Variants in PCSK5 observed in about 807,000 individuals in gnomAD.
The protein encoded by PCSK5 is prohormone convertase 5.
PCSK5 carries 129 observed loss-of-function variants against 233.2 expected under a neutral mutation model. The ratio of observed to expected loss-of-function variants is 0.55; its 90% CI spans 0.48 to 0.64. The LOEUF is 0.64. PCSK5 is among the 30% of genes least tolerant of loss of function. PCSK5 has a pLI of 0.00. For synonymous variants in PCSK5, 825 were observed against 879.2 expected (o/e 0.94, Z 1.09); for missense variants, 2,076 against 2,430.1 (o/e 0.85, Z 3.06).
At chr9:76,064,309 G>A (rs111992822) in intron 5 of PCSK5, among the ~76,000 whole-genome samples, 2 of 99,620 alleles carry the variant, frequency 2.0e-5, no homozygotes, top group Admixed American at 8.4e-5. Context: ...AGGGGCGGCC[G>A]GGCAGAGGCG....
intron 2 of PCSK5, among the ~76,000 whole-genome samples, chr9:75,979,969 G>T (rs1272535782): frequency 6.6e-6 from 1 of 152,150 alleles, no homozygotes; most frequent in African/African-American, 2.4e-5. Flanking sequence ...AATATTTTTA[G>T]CATGAACAAA....
At position 76,278,843 on chromosome 9, in the gene PCSK5, G is replaced by A. The variant is rs909568397; in HGVS notation, c.3143-13390G>A. 2.0e-5 allele frequency among the ~76,000 whole-genome samples: 3 copies of A among 152,044 alleles called. No homozygotes were observed. The East Asian group carries it at 5.8e-4, about 29-fold the overall frequency. On this transcript the variant is annotated intron_variant, in intron 24 of 37. Transcript: ENST00000674117. ...AGAAACAAAATTTCAATGTCTATTA[G>A]CCCATCTTATATAAGTGAACAGGCA... is the stretch of plus-strand genomic sequence containing the variant.
Position 76,142,650 on chromosome 9 carries a change from G to T in PCSK5, c.1312+8438G>T, listed in dbSNP as rs149896490. Among the ~76,000 whole-genome samples the T allele has an allele frequency of 9.1e-3, 1,389 of 152,228 alleles. 19 individuals are homozygous for T. The highest frequency in any genetic ancestry group is 0.031 in the African/African-American group (1,299 of 41,534). On this transcript the variant is annotated intron_variant, in intron 10 of 37. Transcript: ENST00000674117. The stretch of plus-strand genomic sequence containing the variant: ...TAAAACATATTCAGTTAATAATTCT[G>T]TTCAGAGTTTTGTAAGATAAGAATC...
At chr9:76,192,799 A>G (rs1824470213) in intron 20 of PCSK5, among the ~76,000 whole-genome samples, 1 of 152,200 alleles carries the variant, frequency 6.6e-6, no homozygotes, top group African/African-American at 2.4e-5. Flanking sequence ...ATATTGTGTC[A>G]CAGTTTAATA....
chr9:76,055,305 C>T (rs1438005327), intron 5 of PCSK5, among the ~76,000 whole-genome samples: 2 of 152,176 alleles, frequency 1.3e-5, no homozygotes, highest in South Asian at 2.1e-4. Context: ...TTTAAGGCCT[C>T]GTGGACTTCA....
chr9:76,121,504 G>A (rs187996523), intron 9 of PCSK5, among the ~76,000 whole-genome samples: 12 of 152,218 alleles, frequency 7.9e-5, no homozygotes, highest in African/African-American at 2.6e-4. Context: ...CAGATAAATA[G>A]CATTTTCTAA....
At chr9:75,939,142 G>A (rs1336080641) in intron 2 of PCSK5, among the ~76,000 whole-genome samples, 2 of 152,098 alleles carry the variant, frequency 1.3e-5, no homozygotes, top group Non-Finnish European at 2.9e-5. Flanking sequence ...AAAATGATGT[G>A]GTCAGTTTGG....
intron 5 of PCSK5, among the ~76,000 whole-genome samples, chr9:76,039,013 G>T (rs1828984223): frequency 6.6e-6 from 1 of 152,164 alleles, no homozygotes; most frequent in Non-Finnish European, 1.5e-5. Context: ...CAATTTCACT[G>T]TTACATTTGT....
At chr9:75,959,437 G>T (rs1479819630) in intron 2 of PCSK5, among the ~76,000 whole-genome samples, 1 of 152,122 alleles carries the variant, frequency 6.6e-6, no homozygotes, top group Non-Finnish European at 1.5e-5. Flanking sequence ...ACAAGCTTGG[G>T]CTCCACCTTG....
At chr9:76,256,528 A>T (rs1826987775) in intron 24 of PCSK5, among the ~76,000 whole-genome samples, 4 of 152,214 alleles carry the variant, frequency 2.6e-5, no homozygotes, top group Admixed American at 6.5e-5. Flanking sequence ...GTTGAGCTGG[A>T]GGGATGGATT....
At chr9:76,058,536 A>G (rs1829908652) in intron 5 of PCSK5, among the ~76,000 whole-genome samples, 1 of 152,168 alleles carries the variant, frequency 6.6e-6, no homozygotes, top group African/African-American at 2.4e-5. Flanking sequence ...TTACCCGTAC[A>G]GCCCAAATTT....
At chr9:76,299,397 G>A (rs1488721965) in intron 27 of PCSK5, among the ~76,000 whole-genome samples, 3 of 152,172 alleles carry the variant, frequency 2.0e-5, no homozygotes, top group Non-Finnish European at 4.4e-5. Context: ...GGCCGGACGT[G>A]GTAGCTCATG....
chr9:76,028,483 A>G (rs1828522201), intron 5 of PCSK5, among the ~76,000 whole-genome samples: 1 of 152,100 alleles, frequency 6.6e-6, no homozygotes, highest in Non-Finnish European at 1.5e-5. Flanking sequence ...AGATGGAATC[A>G]TAGGGGGCTG....
chr9:76,263,484 T>C (rs567677203), intron 24 of PCSK5, among the ~76,000 whole-genome samples: 10 of 152,264 alleles, frequency 6.6e-5, no homozygotes, highest in African/African-American at 2.4e-4. Flanking sequence ...TGTAGGGACA[T>C]GGATGAAATT....
chr9:76,051,549 A>G (rs765989955), intron 5 of PCSK5, among the ~76,000 whole-genome samples: 6 of 151,888 alleles, frequency 4.0e-5, no homozygotes, highest in Non-Finnish European at 5.9e-5. Flanking sequence ...TTATATTTTT[A>G]TTTTCTGATA....
At chr9:76,064,202 T>C (rs1830165954) in intron 5 of PCSK5, among the ~76,000 whole-genome samples, 1 of 105,260 alleles carries the variant, frequency 9.5e-6, no homozygotes, top group African/African-American at 4.7e-5. Flanking sequence ...CCCACCTCCC[T>C]CCCGGACGGG....
Position 76,350,934 on chromosome 9 carries a change from G to C in PCSK5, c.5067+6G>C. The stretch of plus-strand genomic sequence containing the variant: ...GGGAATACAGAGTGGGAGAGGTATG[G>C]AGGGCTGGGGGTCCTGGGCCTTCTG... On this transcript the variant is annotated splice_donor_region_variant and intron_variant, in intron 36 of 37. Coordinates refer to ENST00000674117, the MANE Select transcript of PCSK5 (RefSeq NM_001372043.1). 6.7e-7 allele frequency: 1 copy of C among 1,495,292 alleles called. No homozygotes were observed. Among genetic ancestry groups the C allele is most frequent in the Non-Finnish European group, 9.3e-7 (1 of 1,077,104 alleles). The allele number at this position is 1,495,292 out of a possible 1,614,324, so 92.6% of individuals were successfully genotyped here.
intron 24 of PCSK5, among the ~76,000 whole-genome samples, chr9:76,290,523 C>T (rs1351850653): frequency 6.6e-6 from 1 of 152,224 alleles, no homozygotes; most frequent in African/African-American, 2.4e-5. Context: ...GCTGTCTTGG[C>T]TCTTGTTCAA....
intron 3 of PCSK5, among the ~76,000 whole-genome samples, chr9:76,000,095 T>G (rs1218021624): frequency 2.6e-5 from 4 of 152,108 alleles, no homozygotes; most frequent in Non-Finnish European, 5.9e-5. Context: ...AACAACCCCA[T>G]CAAAAAGTGG....
Sources: allele counts gnomAD v4.1 joint callset (sites outside exome capture counted in the v4.1 genomes callset), GRCh38; gene constraint gnomAD v4.1.1; transcripts MANE v1.5; gene names NCBI Gene and HGNC (gene_info 2026-07-23, HGNC 2026-07-21).